Variants in BCS1L observed in about 807,000 individuals in gnomAD.
BCS1L encodes the protein mitochondrial chaperone BCS1.
Under a neutral mutation model 49.3 loss-of-function variants are expected in BCS1L, and 38 were observed. The ratio of observed to expected loss-of-function variants is 0.77; its 90% CI spans 0.59 to 1.01. The LOEUF (loss-of-function observed/expected upper bound fraction) is 1.01, where lower values mean the gene tolerates loss of function less well. BCS1L is among the 50% of genes least tolerant of loss of function. BCS1L has a pLI of 0.00. For missense variants in BCS1L, 394 were observed against 540.2 expected, an observed-to-expected ratio of 0.73 and a Z score of 2.68; for synonymous variants, 193 against 210.1, an observed-to-expected ratio of 0.92 and a Z score of 0.70.
chr2:218,661,589 T>G lies in BCS1L; in HGVS notation c.460+44T>G, dbSNP rs1382318501. 3.1e-6 allele frequency: 5 copies of G among 1,611,452 alleles called. No individual in the cohort carries two copies. In the African/African-American group the frequency reaches 5.3e-5, roughly 17 times the overall value. On this transcript the variant is annotated intron_variant, in intron 3 of 7. Transcript: ENST00000359273. This position sits in a 1 kb window ranked among gnomAD's most constrained non-coding sequence, Gnocchi z 5.9. ...AGGCTTTCTAGGGACATTGCAGGGA[T>G]GGGGACATTTGACATCAGATGAGCA...
chr2:218,660,407 T>TGGTCG, intron 1 of BCS1L: 1 of 153,658 alleles, frequency 6.5e-6, no homozygotes, highest in Admixed American at 6.3e-5. Flanking sequence ...GTGTAGATGT[T>TGGTCG]CCGTGAAGCA....
At position 218,662,730 on chromosome 2, in the gene BCS1L, A is replaced by C. The variant is rs1939618122; in HGVS notation, c.889+51A>C. Reference sequence around the variant, plus strand: ...GGAGTGGGTAACTGTGGAACAGGGGAAGAAAGCAGAAATCCAGAGGGCTGG... The same window carrying C: ...GGAGTGGGTAACTGTGGAACAGGGGCAGAAAGCAGAAATCCAGAGGGCTGG... On this transcript the variant is annotated intron_variant, in intron 6 of 7. Transcript: ENST00000359273. The surrounding 1 kb of genome is among the most constrained non-coding windows in gnomAD (Gnocchi z 5.8). 1.2e-6 allele frequency: 2 copies of C among 1,613,146 alleles called. No homozygotes were observed. Among genetic ancestry groups the C allele is most frequent in the Admixed American group, 1.7e-5 (1 of 59,998 alleles).
chr2:218,661,422 A>G lies in BCS1L; in HGVS notation c.337A>G (p.Ile113Val). The change falls in exon 3 of 8, where the codon ATT becomes GTT. Residue 113 changes from isoleucine to valine, a missense_variant. Coordinates refer to ENST00000359273, the MANE Select transcript of BCS1L (RefSeq NM_001079866.2). The surrounding 1 kb of genome is among the most constrained non-coding windows in gnomAD (Gnocchi z 5.9). ...CTTATTCAGGTATCGGGGGAAATGG[A>G]TTCGGGTAGAACGAAGTCGAGAGAT... ...NHFIWYRGKW[I>V]RVERSREMQM... 6.2e-7 allele frequency: 1 copy of G among 1,614,210 alleles called. No individual in the cohort carries two copies. The highest frequency in any genetic ancestry group is 8.5e-7 in the Non-Finnish European group (1 of 1,180,050).
intron 7 of BCS1L, 50 bp downstream of exon 7, chr2:218,663,050 C>A (rs1185828667): frequency 1.2e-6 from 2 of 1,614,026 alleles, no homozygotes; most frequent in South Asian, 2.2e-5. Context: ...CCACCTCCTC[C>A]CCTAGTGCCT....
At position 218,663,064 on chromosome 2, in the gene BCS1L, G is replaced by C. The variant is rs912520138; in HGVS notation, c.1007+64G>C. ...CCCACCTCCTCCCCTAGTGCCTTGGGAGGAACAGGAGGTCGAGGGGCCATC... is the reference window on the plus strand; with the variant it reads ...CCCACCTCCTCCCCTAGTGCCTTGGCAGGAACAGGAGGTCGAGGGGCCATC... On this transcript the variant is annotated intron_variant, in intron 7 of 7. Transcript: ENST00000359273. The C allele has an allele frequency of 4.0e-5, 65 of 1,613,962 alleles. No homozygotes were observed. The East Asian group carries it at 1.4e-3, about 35-fold the overall frequency.
rs772060860 is a variant in BCS1L at position 218,660,944 on chromosome 2, C to G, written c.-44C>G. Reference sequence around the variant, plus strand: ...CCACTGTTCCCCACCCCTAGGTTTTCGTAACACCCCAGGGCCTGTAAGGTT... The same window carrying G: ...CCACTGTTCCCCACCCCTAGGTTTTGGTAACACCCCAGGGCCTGTAAGGTT... On this transcript the variant is annotated 5_prime_UTR_variant, in exon 2 of 8. Transcript: ENST00000359273. The G allele has an allele frequency of 3.7e-6, 6 of 1,604,156 alleles. No homozygotes were observed. The African/African-American group carries it at 6.7e-5, about 18-fold the overall frequency.
chr2:218,662,441 G>A lies in BCS1L; in HGVS notation c.720-69G>A. The stretch of plus-strand genomic sequence containing the variant: ...TGAGACACATGTCCCCAGGCGGTGA[G>A]GAGAGTAGCTGGGCCTGAGGAAGCA... On this transcript the variant is annotated intron_variant, in intron 5 of 7. Transcript: ENST00000359273. This position sits in a 1 kb window ranked among gnomAD's most constrained non-coding sequence, Gnocchi z 5.8. 6.3e-7 allele frequency: 1 copy of A among 1,596,904 alleles called. No homozygotes were observed. The highest frequency in any genetic ancestry group is 1.1e-5 in the South Asian group (1 of 90,664).
Position 218,662,690 on chromosome 2 carries a change from G to A in BCS1L, c.889+11G>A, listed in dbSNP as rs755197780. 1.9e-6 allele frequency: 3 copies of A among 1,613,942 alleles called. No individual in the cohort carries two copies. Among genetic ancestry groups the A allele is most frequent in the Non-Finnish European group, 2.5e-6 (3 of 1,180,052 alleles). On this transcript the variant is annotated intron_variant, in intron 6 of 7. Transcript: ENST00000359273. The surrounding 1 kb of genome is among the most constrained non-coding windows in gnomAD (Gnocchi z 5.8). ...ACTTGGCTGTGGAGAGTAAGTGAGG[G>A]GTTCTGGAGGAAGTGGAGTGGGTAA... is the stretch of plus-strand genomic sequence containing the variant.
Position 218,662,584 on chromosome 2 carries a change from G to A in BCS1L, c.794G>A (p.Arg265Gln), listed in dbSNP as rs776401479. 5.6e-6 allele frequency: 9 copies of A among 1,614,044 alleles called. No homozygotes were observed. Among genetic ancestry groups the A allele is most frequent in the South Asian group, 1.1e-5 (1 of 91,072 alleles). The change falls in exon 6 of 8, where the codon CGA (arginine) becomes CAA (glutamine). Residue 265 changes from arginine (R) to glutamine (Q), a missense_variant. Arg to Gln is a conservative substitution (Grantham distance 43). Transcript: ENST00000359273. This position sits in a 1 kb window ranked among gnomAD's most constrained non-coding sequence, Gnocchi z 5.8. ...ACGGACTCCAGCCTCTCTGATGACC[G>A]ACTCAACCACCTGCTGAGCGTGGCC... ...SLTDSSLSDD[R>Q]LNHLLSVAPQ...
At position 218,661,991 on chromosome 2, in the gene BCS1L, A is replaced by C. The variant is rs1381234718; in HGVS notation, c.655+38A>C. 6.2e-7 allele frequency: 1 copy of C among 1,604,714 alleles called. No homozygotes were observed. The highest frequency in any genetic ancestry group is 1.1e-5 in the South Asian group (1 of 90,198). ...TGGGGTCTTGGCTGTGCTGTTTTTG[A>C]CATTTTTAGAAGGGACAGGTTGGTC... is the stretch of plus-strand genomic sequence containing the variant. On this transcript the variant is annotated intron_variant, in intron 4 of 7. Coordinates refer to ENST00000359273, the MANE Select transcript of BCS1L (RefSeq NM_001079866.2). The surrounding 1 kb of genome is among the most constrained non-coding windows in gnomAD (Gnocchi z 5.9).
rs1184448485 is a variant in BCS1L, at chr2:218,659,716, C to G, written c.-77C>G. The G allele has an allele frequency of 6.6e-6, 1 of 152,176 alleles. No homozygotes were observed. Among genetic ancestry groups the G allele is most frequent in the Non-Finnish European group, 1.5e-5 (1 of 68,154 alleles). 9.4% of individuals were successfully genotyped at this position (152,176 alleles called of 1,614,324 possible). On this transcript the variant is annotated 5_prime_UTR_variant, in exon 1 of 8. In the 5' UTR this introduces an upstream ATG that the reference lacks. Transcript: ENST00000359273. This position sits in a 1 kb window ranked among gnomAD's most constrained non-coding sequence, Gnocchi z 4.4. ...CAAGGTGCAGGCGCGGTGAAACCAT[C>G]GAGACGGAGGGCCAGAGAGTCACGG...
intron 7 of BCS1L, 45 bp from the exon 8 acceptor site, chr2:218,663,089 C>G: frequency 1.2e-6 from 2 of 1,614,190 alleles, no homozygotes; most frequent in Non-Finnish European, 8.5e-7. Flanking sequence ...GAGGGGCCAT[C>G]TCTGTTGGGT....
At position 218,662,079 on chromosome 2, in the gene BCS1L, G is replaced by T; in HGVS notation, c.656-118G>T. On this transcript the variant is annotated intron_variant, in intron 4 of 7. Transcript: ENST00000359273. The surrounding 1 kb of genome is among the most constrained non-coding windows in gnomAD (Gnocchi z 5.8). ...TCCCAGAGATTAAGAGGAATGAAAA[G>T]TTGTGTATGAGAATGATTTATTTCC... 1 of 1,495,508 alleles carries T rather than the reference G, an allele frequency of 6.7e-7. No individual in the cohort carries two copies. The highest frequency in any genetic ancestry group is 1.1e-5 in the South Asian group (1 of 88,372). The allele number at this position is 1,495,508 out of a possible 1,614,324, so 92.6% of individuals were successfully genotyped here.
chr2:218,661,208 C>T lies in BCS1L; in HGVS notation c.221C>T (p.Thr74Ile). 6.2e-7 allele frequency: 1 copy of T among 1,614,244 alleles called. No homozygotes were observed. Among genetic ancestry groups the T allele is most frequent in the South Asian group, 1.1e-5 (1 of 91,084 alleles). ...TGGCTCACCCGCCACAGTACCCGTA[C>T]TCAGCACCTCAGTGTCGAGACTTCG... ...LSWLTRHSTR[T>I]QHLSVETSYL... The change falls in exon 2 of 8, where the codon ACT becomes ATT. Residue 74 changes from threonine (T) to isoleucine (I), a missense_variant. Coordinates refer to ENST00000359273, the MANE Select transcript of BCS1L (RefSeq NM_001079866.2). This position sits in a 1 kb window ranked among gnomAD's most constrained non-coding sequence, Gnocchi z 5.9.
chr2:218,662,161 G>A lies in BCS1L; in HGVS notation c.656-36G>A, dbSNP rs746125097. On this transcript the variant is annotated intron_variant, in intron 4 of 7. Coordinates refer to ENST00000359273, the MANE Select transcript of BCS1L (RefSeq NM_001079866.2). The surrounding 1 kb of genome is among the most constrained non-coding windows in gnomAD (Gnocchi z 5.8). ...GGCTGGGAATGAACGTAGATATCCG[G>A]GGCAAAAGACATGATCATCCTGGCT... 6.2e-7 allele frequency: 1 copy of A among 1,604,042 alleles called. No homozygotes were observed. Among genetic ancestry groups the A allele is most frequent in the Admixed American group, 1.7e-5 (1 of 59,986 alleles).
chr2:218,662,338 A>T lies in BCS1L; in HGVS notation c.719+78A>T. ...ACTAGGCTGATAGGGTTGGAAGGGG[A>T]AATGAATCTGGGGATCGGGGACCAG... On this transcript the variant is annotated intron_variant, in intron 5 of 7. Coordinates refer to ENST00000359273, the MANE Select transcript of BCS1L (RefSeq NM_001079866.2). The surrounding 1 kb of genome is among the most constrained non-coding windows in gnomAD (Gnocchi z 5.8). 1.3e-6 allele frequency: 2 copies of T among 1,529,952 alleles called. No individual in the cohort carries two copies. Among genetic ancestry groups the T allele is most frequent in the Non-Finnish European group, 1.8e-6 (2 of 1,104,178 alleles). The allele number at this position is 1,529,952 out of a possible 1,614,324, so 94.8% of individuals were successfully genotyped here. A position where few individuals can be genotyped will look rare whatever the true frequency, so the allele number is the denominator to read the frequency against.
At position 218,661,071 on chromosome 2, in the gene BCS1L, C is replaced by T. The variant is rs1375011073; in HGVS notation, c.84C>T (p.Ala28=). 6.2e-7 allele frequency: 1 copy of T among 1,614,204 alleles called. No homozygotes were observed. The highest frequency in any genetic ancestry group is 1.7e-5 in the Admixed American group (1 of 60,026). Residue 28 remains alanine (A), a synonymous_variant, in exon 2 of 8, where the codon GCC becomes GCT. Transcript: ENST00000359273. The surrounding 1 kb of genome is among the most constrained non-coding windows in gnomAD (Gnocchi z 5.9). Reference sequence around the variant, plus strand: ...TTGGGCTGGTGGGTGTGGGCACAGCCCTGGCCCTGGCCCGGAAGGGTGTCC... The same window carrying T: ...TTGGGCTGGTGGGTGTGGGCACAGCTCTGGCCCTGGCCCGGAAGGGTGTCC... The part of the protein sequence containing the change: ...AGFGLVGVGT[A]LALARKGVQL...
rs565819523 is a variant in BCS1L, at chr2:218,662,718, G to C, written c.889+39G>C. 6.2e-7 allele frequency: 1 copy of C among 1,613,800 alleles called. No individual in the cohort carries two copies. The highest frequency in any genetic ancestry group is 1.3e-5 in the African/African-American group (1 of 75,046). On this transcript the variant is annotated intron_variant, in intron 6 of 7. Coordinates refer to ENST00000359273, the MANE Select transcript of BCS1L (RefSeq NM_001079866.2). This position sits in a 1 kb window ranked among gnomAD's most constrained non-coding sequence, Gnocchi z 5.8. The stretch of plus-strand genomic sequence containing the variant: ...TCTGGAGGAAGTGGAGTGGGTAACT[G>C]TGGAACAGGGGAAGAAAGCAGAAAT...
upstream of BCS1L, chr2:218,659,529 C>CT (rs1457170671): frequency 1.3e-5 from 2 of 152,300 alleles, no homozygotes; most frequent in Non-Finnish European, 2.9e-5. The surrounding 1 kb of genome is among the most constrained non-coding windows in gnomAD (Gnocchi z 4.4). Flanking sequence ...CCGGGGTACT[C>CT]TATGTTTTGT....
Sources: gnomAD v4.1 joint callset for allele counts on GRCh38, gnomAD v4.1.1 for gene constraint, Gnocchi (gnomAD v3.1) non-coding constraint, MANE v1.5 for transcripts, NCBI Gene and HGNC (gene_info 2026-07-23, HGNC 2026-07-21) for gene names.